The following GPR137C variants were observed in gnomAD, a reference collection of about 807,000 sequenced individuals.
The protein encoded by GPR137C is integral membrane protein GPR137C.
A neutral mutation model predicts 43.4 loss-of-function variants in GPR137C; 27 were observed. The ratio of observed to expected loss-of-function variants is 0.62; its 90% CI spans 0.46 to 0.86. GPR137C has a LOEUF of 0.86. Ranked by LOEUF, GPR137C falls within the 40% of genes least tolerant of loss-of-function variation. The probability of loss-of-function intolerance (pLI) is 0.00; values close to 1 mark genes in which losing one functional copy is unlikely to be tolerated. For synonymous variants in GPR137C, 285 were observed against 226.9 expected (o/e 1.26, Z -2.30); for missense variants, 522 against 534.6 (o/e 0.98, Z 0.23).
At position 52,636,450 on chromosome 14, in the gene GPR137C, A is replaced by G. The variant is rs2039353936; in HGVS notation, c.*1335A>G. On this transcript the variant is annotated 3_prime_UTR_variant, in exon 7 of 7. Coordinates refer to ENST00000321662, the MANE Select transcript of GPR137C (RefSeq NM_001099652.2). ...GCCAAGGGAACAAGCAACATTGGGA[A>G]GTTGTCACAACATGCTCAAAGACAA... 6.6e-6 allele frequency: 1 copy of G among 152,106 alleles called. No homozygotes were observed. The highest frequency in any genetic ancestry group is 2.4e-5 in the African/African-American group (1 of 41,446). The allele number at this position is 152,106 out of a possible 1,614,324, so 9.4% of individuals were successfully genotyped here. A position where few individuals can be genotyped will look rare whatever the true frequency, so the allele number is the denominator to read the frequency against.
At position 52,577,514 on chromosome 14, in the gene GPR137C, G is replaced by GCACACA. The variant is rs752625898; in HGVS notation, c.445-20757_445-20756insACACAC. ...ACCAAACATGCACGCGTGCGCGCGC[G>GCACACA]CGCACACACACACACACACACACAC... On this transcript the variant is annotated intron_variant, in intron 1 of 6. Coordinates refer to ENST00000321662, the MANE Select transcript of GPR137C (RefSeq NM_001099652.2). Among the ~76,000 whole-genome samples the GCACACA allele has an allele frequency of 7.5e-3, 893 of 118,514 alleles. 2 individuals carry two copies. Among genetic ancestry groups the GCACACA allele is most frequent in the African/African-American group, 0.012 (352 of 29,250 alleles). 77.7% of individuals were successfully genotyped at this position (118,514 alleles called of 152,430 possible). A position where few individuals can be genotyped will look rare whatever the true frequency, so the allele number is the denominator to read the frequency against.
At chr14:52,591,159 A>G (rs892259971) in intron 1 of GPR137C, among the ~76,000 whole-genome samples, 50 of 152,046 alleles carry the variant, frequency 3.3e-4, no homozygotes, top group African/African-American at 1.2e-3. Context: ...AAGGACAGGA[A>G]CTCATTCTTT....
chr14:52,583,352 A>C (rs2038673433), intron 1 of GPR137C, among the ~76,000 whole-genome samples: 1 of 152,188 alleles, frequency 6.6e-6, no homozygotes, highest in Non-Finnish European at 1.5e-5. Context: ...ATAGCAGATA[A>C]TTGTGTTTAA....
Position 52,553,195 on chromosome 14 carries a change from C to T in GPR137C, c.48C>T (p.Ala16=). 14 of 1,211,844 alleles carry T rather than the reference C, an allele frequency of 1.2e-5. No individual in the cohort carries two copies. Among genetic ancestry groups the T allele is most frequent in the Non-Finnish European group, 1.4e-5 (14 of 976,032 alleles). 75.1% of individuals were successfully genotyped at this position (1,211,844 alleles called of 1,614,324 possible). Residue 16 remains alanine, a synonymous_variant, in exon 1 of 7, where the codon GCC becomes GCT. Coordinates refer to ENST00000321662, the MANE Select transcript of GPR137C (RefSeq NM_001099652.2). ...PGPAAAAAPA[A]GREPSTPGGG... ...CGGCGGCCGCTGCCGCCCCCGCAGC[C>T]GGCCGCGAGCCCTCCACGCCCGGCG...
At chr14:52,585,249 A>G (rs1391743741) in intron 1 of GPR137C, among the ~76,000 whole-genome samples, 1 of 152,212 alleles carries the variant, frequency 6.6e-6, no homozygotes, top group East Asian at 1.9e-4. Context: ...GCAGACCTCC[A>G]AGTTTTTCTT....
chr14:52,591,477 T>C (rs938682576), intron 1 of GPR137C, among the ~76,000 whole-genome samples: 3 of 152,192 alleles, frequency 2.0e-5, no homozygotes, highest in African/African-American at 7.2e-5. Context: ...CTCCACATCC[T>C]CTCCAGCATC....
intron 3 of GPR137C, among the ~76,000 whole-genome samples, chr14:52,615,337 T>A (rs1006230997): frequency 6.6e-6 from 1 of 152,210 alleles, no homozygotes; most frequent in African/African-American, 2.4e-5. Flanking sequence ...GTCAGTATCA[T>A]GCTGTTTAGG....
At chr14:52,564,652 G>A (rs1458821440) in intron 1 of GPR137C, among the ~76,000 whole-genome samples, 1 of 152,044 alleles carries the variant, frequency 6.6e-6, no homozygotes, top group East Asian at 1.9e-4. Context: ...CATATCATTT[G>A]CACAGTTGGA....
intron 3 of GPR137C, among the ~76,000 whole-genome samples, chr14:52,601,239 C>T (rs2038920290): frequency 6.6e-6 from 1 of 152,088 alleles, no homozygotes; most frequent in African/African-American, 2.4e-5. Flanking sequence ...GAGAGCTTGT[C>T]TTCTTGCTTT....
intron 3 of GPR137C, among the ~76,000 whole-genome samples, chr14:52,608,615 T>C (rs1274232863): frequency 2.6e-5 from 4 of 152,220 alleles, no homozygotes; most frequent in African/African-American, 9.6e-5. Flanking sequence ...TAGCATTTAT[T>C]GTAGGACAGC....
intron 3 of GPR137C, among the ~76,000 whole-genome samples, chr14:52,601,814 T>C (rs750982636): frequency 3.3e-5 from 5 of 151,922 alleles, no homozygotes; most frequent in African/African-American, 4.8e-5. Flanking sequence ...CTTCTCTAGA[T>C]ACCTAGTGTA....
chr14:52,610,974 A>C (rs150965118), intron 3 of GPR137C, among the ~76,000 whole-genome samples: 346 of 152,184 alleles, frequency 2.3e-3, no homozygotes, highest in Middle Eastern at 0.01. Flanking sequence ...ATTTACATGG[A>C]TATGTTTGTT....
intron 3 of GPR137C, chr14:52,612,133 A>C (rs2139551370): frequency 1.0e-6 from 1 of 983,614 alleles, no homozygotes; most frequent in Non-Finnish European, 1.2e-6. Flanking sequence ...TCCTTACTAA[A>C]AATGTATTTT....
At chr14:52,567,553 G>A (rs1449185073) in intron 1 of GPR137C, among the ~76,000 whole-genome samples, 1 of 152,060 alleles carries the variant, frequency 6.6e-6, no homozygotes. Context: ...GGATTGGAAG[G>A]CAGGTCTTCT....
At chr14:52,579,548 AC>A (rs776372273) in intron 1 of GPR137C, among the ~76,000 whole-genome samples, 2 of 152,204 alleles carry the variant, frequency 1.3e-5, no homozygotes, top group Non-Finnish European at 2.9e-5. Flanking sequence ...GGGTAATCAT[AC>A]ATTGTGTTGG....
At chr14:52,579,597 A>G (rs1404743273) in intron 1 of GPR137C, among the ~76,000 whole-genome samples, 3 of 152,304 alleles carry the variant, frequency 2.0e-5, no homozygotes, top group Admixed American at 6.5e-5. Flanking sequence ...ATGATTTGCT[A>G]GGACTCACAA....
chr14:52,604,866 A>G (rs1008724659), intron 3 of GPR137C, among the ~76,000 whole-genome samples: 2 of 152,174 alleles, frequency 1.3e-5, no homozygotes, highest in African/African-American at 4.8e-5. Context: ...TAAGTTGGCT[A>G]TAAGTGTGTG....
At chr14:52,619,434 G>T (rs2039135089) in intron 3 of GPR137C, among the ~76,000 whole-genome samples, 1 of 151,950 alleles carries the variant, frequency 6.6e-6, no homozygotes, top group East Asian at 1.9e-4. Context: ...TTTCTCCCTT[G>T]AGTTACTGGG....
At chr14:52,632,060 T>C (rs1427128629) in intron 3 of GPR137C, 100 bp from the exon 4 acceptor site, 7 of 712,026 alleles carry the variant, frequency 9.8e-6, no homozygotes, top group Admixed American at 2.8e-5. Flanking sequence ...CAGTGCTTTG[T>C]AGGAGTGCAT....
Sources: gnomAD v4.1 joint callset for allele counts (sites outside exome capture counted in the v4.1 genomes callset) on GRCh38, gnomAD v4.1.1 for gene constraint, MANE v1.5 for transcripts, NCBI Gene and HGNC (gene_info 2026-07-23, HGNC 2026-07-21) for gene names.